NHERF1: variants seen among roughly 807,000 people sequenced by gnomAD.
NHERF1 encodes Na(+)/H(+) exchange regulatory cofactor NHE-RF1.
At chr17:74,761,987 C>T in the NHERF1 span, 1 of 1,613,106 alleles carries the variant, frequency 6.2e-7, no homozygotes, top group African/African-American at 1.3e-5. This position sits in a 1 kb window ranked among gnomAD's most constrained non-coding sequence, Gnocchi z 4.3. Flanking sequence ...GTGGAATAGC[C>T]ATGGACCCTC....
chr17:74,749,349 G>C, the NHERF1 span: 21 of 1,421,214 alleles, frequency 1.5e-5, no homozygotes, highest in Non-Finnish European at 1.9e-5. The surrounding 1 kb of genome is among the most constrained non-coding windows in gnomAD (Gnocchi z 5.6). Context: ...GAGAGACCCA[G>C]GTGCCCCGGC....
the NHERF1 span, among the ~76,000 whole-genome samples, chr17:74,752,812 T>C: frequency 6.6e-6 from 1 of 152,256 alleles, no homozygotes; most frequent in East Asian, 1.9e-4. Flanking sequence ...TAATCATCTG[T>C]TTGTGACCTT....
At chr17:74,759,195 C>G in the NHERF1 span, among the ~76,000 whole-genome samples, 2 of 152,196 alleles carry the variant, frequency 1.3e-5, no homozygotes, top group African/African-American at 2.4e-5. Context: ...CCAGCCACCC[C>G]CTCAGGTCCT....
chr17:74,768,746 G>A, the NHERF1 span: 44 of 1,120,414 alleles, frequency 3.9e-5, 1 homozygote, highest in Admixed American at 5.7e-5. Flanking sequence ...CTGAATCAAT[G>A]TACAAATCAG....
the NHERF1 span, among the ~76,000 whole-genome samples, chr17:74,763,932 CG>C: frequency 8.7e-4 from 133 of 152,308 alleles, no homozygotes; most frequent in African/African-American, 3.0e-3. Context: ...AGTCCAGTGA[CG>C]GGGGCCGGTG....
chr17:74,768,990 C>A, the NHERF1 span: 1 of 392,434 alleles, frequency 2.5e-6, no homozygotes, highest in Non-Finnish European at 4.7e-6. Flanking sequence ...ACCCTCCCTT[C>A]CTCCCCCATG....
the NHERF1 span, among the ~76,000 whole-genome samples, chr17:74,754,870 T>A: frequency 2.0e-5 from 3 of 152,348 alleles, no homozygotes; most frequent in South Asian, 6.2e-4. Context: ...ATAGCTACTA[T>A]TTGTGTCTAG....
chr17:74,768,644 C>T, the NHERF1 span: 1 of 1,613,934 alleles, frequency 6.2e-7, no homozygotes, highest in Non-Finnish European at 8.5e-7. Flanking sequence ...ACGAACTCTT[C>T]AGCAACCTCT....
the NHERF1 span, among the ~76,000 whole-genome samples, chr17:74,762,406 C>A: frequency 6.6e-6 from 1 of 152,240 alleles, no homozygotes; most frequent in South Asian, 2.1e-4. This position sits in a 1 kb window ranked among gnomAD's most constrained non-coding sequence, Gnocchi z 4.2. Flanking sequence ...CCCCTGGACT[C>A]CTCCTTGCCA....
At chr17:74,757,051 G>A in the NHERF1 span, among the ~76,000 whole-genome samples, 1 of 152,150 alleles carries the variant, frequency 6.6e-6, no homozygotes, top group Non-Finnish European at 1.5e-5. Context: ...CCGGGCTGCA[G>A]CCCAGGTACC....
At chr17:74,752,092 A>G in the NHERF1 span, among the ~76,000 whole-genome samples, 19 of 152,144 alleles carry the variant, frequency 1.2e-4, no homozygotes, top group Non-Finnish European at 2.8e-4. Context: ...CACTGTGGCC[A>G]AGCCTGGCAC....
the NHERF1 span, among the ~76,000 whole-genome samples, chr17:74,764,383 G>A: frequency 6.6e-6 from 1 of 152,212 alleles, no homozygotes; most frequent in Admixed American, 6.5e-5. This position sits in a 1 kb window ranked among gnomAD's most constrained non-coding sequence, Gnocchi z 4.9. Flanking sequence ...AAGGCCTGAG[G>A]CTCCTAGAAG....
chr17:74,762,514 T>C, the NHERF1 span, among the ~76,000 whole-genome samples: 1 of 151,754 alleles, frequency 6.6e-6, no homozygotes, highest in East Asian at 1.9e-4. The surrounding 1 kb of genome is among the most constrained non-coding windows in gnomAD (Gnocchi z 4.2). Context: ...CAGAGTGGGG[T>C]GGCAGTAACA....
the NHERF1 span, among the ~76,000 whole-genome samples, chr17:74,753,751 A>G: frequency 6.8e-6 from 1 of 146,504 alleles, no homozygotes; most frequent in Non-Finnish European, 1.5e-5. Flanking sequence ...AGGGGGGTGA[A>G]TGGGGGCTTC....
chr17:74,763,325 C>G, the NHERF1 span: 1 of 1,590,132 alleles, frequency 6.3e-7, no homozygotes, highest in African/African-American at 1.3e-5. Context: ...GCCCCAGAAC[C>G]AAGGCCTGTG....
chr17:74,763,611 AGG>A, the NHERF1 span: 27 of 1,343,418 alleles, frequency 2.0e-5, no homozygotes, highest in Non-Finnish European at 2.7e-5. Flanking sequence ...GTCCCAGGCG[AGG>A]GGTGGGCAGC....
At chr17:74,760,496 C>T in the NHERF1 span, among the ~76,000 whole-genome samples, 8 of 152,298 alleles carry the variant, frequency 5.3e-5, no homozygotes, top group East Asian at 1.2e-3. This position sits in a 1 kb window ranked among gnomAD's most constrained non-coding sequence, Gnocchi z 4.5. Flanking sequence ...CCCCAGAGAT[C>T]GAAAGGCTGG....
chr17:74,759,601 G>T, the NHERF1 span, among the ~76,000 whole-genome samples: 1 of 152,248 alleles, frequency 6.6e-6, no homozygotes, highest in African/African-American at 2.4e-5. Context: ...CTCCAGCTGC[G>T]AGAGGCCCTG....
chr17:74,748,879 G>C, the NHERF1 span: 1 of 1,597,052 alleles, frequency 6.3e-7, no homozygotes, highest in Non-Finnish European at 8.5e-7. The surrounding 1 kb of genome is among the most constrained non-coding windows in gnomAD (Gnocchi z 4.3). Flanking sequence ...GGGCGCCCCT[G>C]CCCCGGCTCT....
Sources: gnomAD v4.1 joint callset for allele counts (sites outside exome capture counted in the v4.1 genomes callset) on GRCh38, gnomAD v4.1.1 for gene constraint, Gnocchi (gnomAD v3.1) non-coding constraint, MANE v1.5 for transcripts, NCBI Gene and HGNC (gene_info 2026-07-23, HGNC 2026-07-21) for gene names.